DPH6: variants seen among roughly 807,000 people sequenced by gnomAD.
DPH6 encodes diphthine--ammonia ligase.
Under a neutral mutation model 38.2 loss-of-function variants are expected in DPH6, and 33 were observed. The observed-to-expected ratio is 0.86, with a 90% CI of 0.65 to 1.15. The LOEUF is 1.15. Ranked by LOEUF, DPH6 falls within the 50% of genes most tolerant of loss-of-function variation. DPH6 has a pLI of 0.00. For synonymous variants in DPH6, 108 were observed against 103.0 expected (o/e 1.05, Z -0.30); for missense variants, 325 against 320.0 (o/e 1.02, Z -0.12).
At chr15:35,356,527 T>C (rs540561025) in intron 3 of DPH6, among the ~76,000 whole-genome samples, 4 of 152,306 alleles carry the variant, frequency 2.6e-5, no homozygotes, top group African/African-American at 9.6e-5. Context: ...TGCAGGTCTG[T>C]TGGAGTTTGC....
intron 5 of DPH6, among the ~76,000 whole-genome samples, chr15:35,423,474 A>G (rs2053531403): frequency 6.6e-6 from 1 of 151,544 alleles, no homozygotes; most frequent in Non-Finnish European, 1.5e-5. Context: ...ATTTGTAAAT[A>G]TTGTTTTTCA....
chr15:35,394,979 C>CT (rs1171919720), intron 6 of DPH6, among the ~76,000 whole-genome samples: 1 of 145,374 alleles, frequency 6.9e-6, no homozygotes, highest in African/African-American at 2.7e-5. Context: ...AGTCTTTAGC[C>CT]TGAACATGTC....
intron 3 of DPH6, among the ~76,000 whole-genome samples, chr15:35,313,616 T>C (rs1356685822): frequency 6.6e-6 from 1 of 152,188 alleles, no homozygotes; most frequent in Non-Finnish European, 1.5e-5. Context: ...TGAGACTGTT[T>C]CCTTGATTTT....
intron 6 of DPH6, among the ~76,000 whole-genome samples, chr15:35,410,379 TAAGTA>T (rs893313601): frequency 6.6e-6 from 1 of 151,768 alleles, no homozygotes; most frequent in Non-Finnish European, 1.5e-5. Context: ...AATGAGAAGT[TAAGTA>T]GAGTAATTTG....
At chr15:35,247,309 A>C (rs2051643749) in intron 3 of DPH6, among the ~76,000 whole-genome samples, 1 of 152,252 alleles carries the variant, frequency 6.6e-6, no homozygotes, top group South Asian at 2.1e-4. Flanking sequence ...AGCACATGAC[A>C]TAATCCAGGA....
At chr15:35,328,423 C>T (rs1357393735), downstream of DPH6, among the ~76,000 whole-genome samples, 1 of 152,054 alleles carries the variant, frequency 6.6e-6, no homozygotes, top group African/African-American at 2.4e-5. Context: ...AGACTCTAAA[C>T]GTTGTGAGTA....
intron 3 of DPH6, among the ~76,000 whole-genome samples, chr15:35,493,944 C>T (rs996979740): frequency 1.3e-5 from 2 of 152,006 alleles, no homozygotes; most frequent in Admixed American, 6.6e-5. Context: ...AGACTTATAT[C>T]CCAGCACGTA....
At chr15:35,524,423 C>T (rs549787195) in intron 3 of DPH6, among the ~76,000 whole-genome samples, 4 of 152,152 alleles carry the variant, frequency 2.6e-5, no homozygotes, top group African/African-American at 9.6e-5. Flanking sequence ...TAACCCTAAC[C>T]CCTTATCAAA....
intron 3 of DPH6, among the ~76,000 whole-genome samples, chr15:35,273,446 A>T (rs1423140464): frequency 1.3e-5 from 2 of 152,232 alleles, no homozygotes; most frequent in Admixed American, 6.5e-5. Context: ...CACTTAGAAT[A>T]AAGTCAAATT....
intron 3 of DPH6, among the ~76,000 whole-genome samples, chr15:35,529,609 C>T (rs969780616): frequency 2.6e-5 from 4 of 152,122 alleles, no homozygotes; most frequent in African/African-American, 9.7e-5. Flanking sequence ...GGCAACTGTA[C>T]CTTGTATTAA....
Position 35,504,256 on chromosome 15 carries a change from C to T in DPH6, c.312+34018G>A, listed in dbSNP as rs550981563. ...AACCTGCCCCCAAATTACCTTCTCA[C>T]TCCTACCTCCTGCCACTACTTATAT... On this transcript the variant is annotated intron_variant, in intron 3 of 8. Transcript: ENST00000256538. Among the ~76,000 whole-genome samples the T allele has an allele frequency of 9.9e-5, 15 of 152,114 alleles. No individual in the cohort carries two copies. The East Asian group carries it at 2.9e-3, about 29-fold the overall frequency.
chr15:35,271,689 T>C (rs867545407), intron 3 of DPH6, among the ~76,000 whole-genome samples: 2 of 152,184 alleles, frequency 1.3e-5, no homozygotes, highest in Non-Finnish European at 2.9e-5. Context: ...GTCCCAGACA[T>C]ACAGGATGGG....
intron 3 of DPH6, among the ~76,000 whole-genome samples, chr15:35,468,949 T>C (rs2054163441): frequency 6.6e-6 from 1 of 152,144 alleles, no homozygotes; most frequent in Non-Finnish European, 1.5e-5. Flanking sequence ...GTGCCTGTAA[T>C]CCCAGTTACT....
At chr15:35,307,019 G>A (rs953697319) in intron 3 of DPH6, among the ~76,000 whole-genome samples, 3 of 151,938 alleles carry the variant, frequency 2.0e-5, no homozygotes, top group Non-Finnish European at 4.4e-5. Context: ...GCAACTTTAG[G>A]GCTTTTATAG....
intron 6 of DPH6, among the ~76,000 whole-genome samples, chr15:35,388,882 AG>A (rs538648658): frequency 4.5e-4 from 69 of 152,180 alleles, no homozygotes; most frequent in Middle Eastern, 3.4e-3. Context: ...GCCTTCTGCT[AG>A]CTTTTGAATG....
intron 5 of DPH6, among the ~76,000 whole-genome samples, chr15:35,425,379 A>C (rs185316304): frequency 6.6e-6 from 1 of 151,756 alleles, no homozygotes; most frequent in African/African-American, 2.4e-5. Context: ...GAAAGCTATT[A>C]TAGTGTAAGT....
the DPH6 span, among the ~76,000 whole-genome samples, chr15:35,179,204 C>CAAAAAAAAAAAA: frequency 2.0e-4 from 10 of 50,584 alleles, no homozygotes; most frequent in East Asian, 5.0e-4. Flanking sequence ...ACAACTCTGT[C>CAAAAAAAAAAAA]AAAAAAAAAA....
the DPH6 span, among the ~76,000 whole-genome samples, chr15:35,181,457 TA>T: frequency 5.1e-5 from 6 of 116,820 alleles, no homozygotes; most frequent in South Asian, 3.1e-4. Context: ...TTGTCAGTTA[TA>T]AAAAAAAACT....
the DPH6 span, among the ~76,000 whole-genome samples, chr15:35,147,608 C>G: frequency 6.6e-6 from 1 of 151,938 alleles, no homozygotes; most frequent in African/African-American, 2.4e-5. Flanking sequence ...AAGATTTGGA[C>G]CAAGGATCAA....
Sources: gnomAD v4.1 joint callset for allele counts (sites outside exome capture counted in the v4.1 genomes callset) on GRCh38, gnomAD v4.1.1 for gene constraint, MANE v1.5 for transcripts, NCBI Gene and HGNC (gene_info 2026-07-23, HGNC 2026-07-21) for gene names.